The following HELZ variants were observed in gnomAD, a reference collection of about 807,000 sequenced individuals.
HELZ encodes the protein helicase with zinc finger.
HELZ carries 23 observed loss-of-function variants against 218.2 expected under a neutral mutation model. The ratio of observed to expected loss-of-function variants is 0.11; its 90% CI spans 0.08 to 0.15. HELZ has a LOEUF of 0.15. HELZ is among the 10% of genes least tolerant of loss of function. The pLI is 1.00. For synonymous variants in HELZ, 814 were observed against 829.4 expected, an observed-to-expected ratio of 0.98 and a Z score of 0.32; for missense variants, 1,813 against 2,353.7, an observed-to-expected ratio of 0.77 and a Z score of 4.75.
intron 12 of HELZ, among the ~76,000 whole-genome samples, chr17:67,179,912 G>A (rs2039560818): frequency 1.3e-5 from 2 of 152,150 alleles, no homozygotes; most frequent in South Asian, 2.1e-4. Context: ...TCTTTGAAAT[G>A]ACAACATAAT....
intron 7 of HELZ, among the ~76,000 whole-genome samples, chr17:67,196,260 A>C (rs1391422165): frequency 2.6e-5 from 4 of 152,150 alleles, no homozygotes; most frequent in Admixed American, 2.6e-4. Context: ...CCCACAGAGG[A>C]GTCCAAGGCT....
In HELZ at chr17:67,072,636, G is replaced by A. The variant is rs1490234521; in HGVS notation, c.*5616C>T. ...AGAGCTCCTTCACCCTACTGCGGAA[G>A]AGCAGTGCAGACCCCAGCAGGGGTG... On this transcript the variant is annotated 3_prime_UTR_variant, in exon 33 of 33. Coordinates refer to ENST00000358691, the MANE Select transcript of HELZ (RefSeq NM_014877.4). 1.3e-5 allele frequency: 2 copies of A among 152,352 alleles called. No individual in the cohort carries two copies. The highest frequency in any genetic ancestry group is 2.4e-5 in the African/African-American group (1 of 41,460). 9.4% of individuals were successfully genotyped at this position (152,352 alleles called of 1,614,324 possible). A position where few individuals can be genotyped will look rare whatever the true frequency, so the allele number is the denominator to read the frequency against.
Position 67,188,708 on chromosome 17 carries a change from CT to C in HELZ, c.865-93del. ...TCAATGAAAATATTTCCATAAGGGA[CT>C]TTTACTTCCCCAAGCTTCTAAGATA... On this transcript the variant is annotated intron_variant, in intron 11 of 32. Coordinates refer to ENST00000358691, the MANE Select transcript of HELZ (RefSeq NM_014877.4). This position sits in a 1 kb window ranked among gnomAD's most constrained non-coding sequence, Gnocchi z 4.1. 4 of 988,856 alleles carry C rather than the reference CT, an allele frequency of 4.0e-6. No homozygotes were observed. Among genetic ancestry groups the C allele is most frequent in the Non-Finnish European group, 6.0e-6 (4 of 668,280 alleles). The allele number at this position is 988,856 out of a possible 1,614,324, so 61.3% of individuals were successfully genotyped here.
At chr17:67,134,938 C>CT (rs2038101483) in intron 23 of HELZ, among the ~76,000 whole-genome samples, 1 of 149,986 alleles carries the variant, frequency 6.7e-6, no homozygotes, top group South Asian at 2.1e-4. Flanking sequence ...GTATTTCTTT[C>CT]TTTTTCACAA....
chr17:67,216,052 A>C (rs898166786), intron 4 of HELZ, 117 bp from the exon 5 acceptor site: 23 of 701,706 alleles, frequency 3.3e-5, no homozygotes, highest in African/African-American at 3.2e-4. Context: ...TTGTAAACTT[A>C]CTATTCACAG....
At chr17:67,206,598 CTT>C (rs60076524) in intron 5 of HELZ, among the ~76,000 whole-genome samples, 18 of 137,780 alleles carry the variant, frequency 1.3e-4, no homozygotes, top group Admixed American at 2.9e-4. Flanking sequence ...CATATTAGGA[CTT>C]TTTTTTTTTT....
At chr17:67,080,312 C>A (rs1174797263) in intron 32 of HELZ, among the ~76,000 whole-genome samples, 1 of 152,202 alleles carries the variant, frequency 6.6e-6, no homozygotes, top group Non-Finnish European at 1.5e-5. Flanking sequence ...TCCTGTTCCA[C>A]TGAACCGTGT....
At chr17:67,226,272 G>A (rs943847404) in intron 3 of HELZ, among the ~76,000 whole-genome samples, 157 of 123,758 alleles carry the variant, frequency 1.3e-3, no homozygotes, top group African/African-American at 1.3e-3. Context: ...AAAAAAAAAA[G>A]AAAAAAGGAA....
chr17:67,108,610 G>A lies in HELZ; in HGVS notation c.4606C>T (p.His1536Tyr), dbSNP rs755426445. 7.4e-6 allele frequency: 12 copies of A among 1,613,962 alleles called. No individual in the cohort carries two copies. The South Asian group carries it at 1.3e-4, about 18-fold the overall frequency. Reference protein sequence around the residue: ...SQGSAPYPHHHHPHLQHLPQP... With the variant: ...SQGSAPYPHHYHPHLQHLPQP... ...GGAAGATGCTGGAGGTGAGGATGGT[G>A]ATGGTGTGGGTATGGAGCGCTGCCC... Residue 1536 changes from histidine (H) to tyrosine (Y), a missense_variant, in exon 30 of 33, where the codon CAC becomes TAC. This residue lies in a region of HELZ where 938 missense variants were observed against 1,027.5 expected (regional missense o/e 0.91). Coordinates refer to ENST00000358691, the MANE Select transcript of HELZ (RefSeq NM_014877.4). This position sits in a 1 kb window ranked among gnomAD's most constrained non-coding sequence, Gnocchi z 4.1.
Position 67,071,375 on chromosome 17 carries a change from G to A in HELZ, c.*6877C>T, listed in dbSNP as rs1475213693. ...TACAAGTTATCGTGCAAAGCAAAGT[G>A]TAAATAAACCGAAGCTCCCCTCTAA... On this transcript the variant is annotated 3_prime_UTR_variant, in exon 33 of 33. Coordinates refer to ENST00000358691, the MANE Select transcript of HELZ (RefSeq NM_014877.4). The A allele has an allele frequency of 3.3e-5, 5 of 152,306 alleles. No homozygotes were observed. The highest frequency in any genetic ancestry group is 3.3e-4 in the Admixed American group (5 of 15,282). The allele number at this position is 152,306 out of a possible 1,614,324, so 9.4% of individuals were successfully genotyped here. A position where few individuals can be genotyped will look rare whatever the true frequency, so the allele number is the denominator to read the frequency against.
intron 31 of HELZ, among the ~76,000 whole-genome samples, chr17:67,093,791 A>ATTTAT (rs139454685): frequency 0.096 from 14,599 of 152,174 alleles, 1,836 homozygotes; most frequent in African/African-American, 0.29. Flanking sequence ...ATCCTTCACT[A>ATTTAT]TTTATATTAT....
chr17:67,119,778 G>A (rs2037541542), intron 27 of HELZ, among the ~76,000 whole-genome samples: 1 of 151,762 alleles, frequency 6.6e-6, no homozygotes, highest in South Asian at 2.1e-4. Flanking sequence ...AACAGGAGAG[G>A]ACCTTCCATC....
Position 67,233,209 on chromosome 17 carries a change from C to T in HELZ, c.-19+6224G>A, listed in dbSNP as rs35627905. ...ATCCACTAAAAACACAAAAATTAGC[C>T]GGGTGTGATGGCATGCCCCTGTGAT... On this transcript the variant is annotated intron_variant, in intron 3 of 32. Coordinates refer to ENST00000358691, the MANE Select transcript of HELZ (RefSeq NM_014877.4). Among the ~76,000 whole-genome samples the T allele has an allele frequency of 9.2e-3, 1,402 of 152,178 alleles. 6 individuals are homozygous for T. Among genetic ancestry groups the T allele is most frequent in the Non-Finnish European group, 0.015 (989 of 68,004 alleles).
chr17:67,108,466 G>A lies in HELZ; in HGVS notation c.4724+26C>T. ...GAACAGTGAGGGGGTCGCATTCCAG[G>A]GGCTATTTTCAGTCCGCTGGAATAC... On this transcript the variant is annotated intron_variant, in intron 30 of 32. Coordinates refer to ENST00000358691, the MANE Select transcript of HELZ (RefSeq NM_014877.4). This position sits in a 1 kb window ranked among gnomAD's most constrained non-coding sequence, Gnocchi z 4.1. 6.5e-7 allele frequency: 1 copy of A among 1,544,402 alleles called. No individual in the cohort carries two copies. The highest frequency in any genetic ancestry group is 8.9e-7 in the Non-Finnish European group (1 of 1,117,702).
At chr17:67,202,678 C>T (rs1226804695) in intron 6 of HELZ, among the ~76,000 whole-genome samples, 1 of 152,106 alleles carries the variant, frequency 6.6e-6, no homozygotes, top group South Asian at 2.1e-4. Context: ...TTTAAGAACC[C>T]TATGAGATCA....
At chr17:67,102,668 G>A (rs1350335330) in intron 31 of HELZ, among the ~76,000 whole-genome samples, 1 of 152,146 alleles carries the variant, frequency 6.6e-6, no homozygotes, top group Non-Finnish European at 1.5e-5. Context: ...GATGATTCAT[G>A]CAAAAGCATT....
intron 31 of HELZ, among the ~76,000 whole-genome samples, chr17:67,102,658 G>A (rs1285711161): frequency 6.6e-6 from 1 of 152,182 alleles, no homozygotes; most frequent in Non-Finnish European, 1.5e-5. Context: ...CACTTTGTGA[G>A]ATGATTCATG....
At chr17:67,094,616 G>T (rs2036686191) in intron 31 of HELZ, among the ~76,000 whole-genome samples, 1 of 152,050 alleles carries the variant, frequency 6.6e-6, no homozygotes, top group Non-Finnish European at 1.5e-5. Flanking sequence ...CAATAGCATT[G>T]TATGTTTAAA....
intron 12 of HELZ, among the ~76,000 whole-genome samples, chr17:67,181,940 C>G (rs556729669): frequency 1.3e-5 from 2 of 152,288 alleles, no homozygotes; most frequent in Admixed American, 1.3e-4. Flanking sequence ...ACCTAACTTA[C>G]AGTGCTTAAA....
Sources: allele counts gnomAD v4.1 joint callset (sites outside exome capture counted in the v4.1 genomes callset), GRCh38; gene constraint gnomAD v4.1.1; regional missense constraint gnomAD v4.1.1; non-coding constraint Gnocchi (gnomAD v3.1); transcripts MANE v1.5; gene names NCBI Gene and HGNC (gene_info 2026-07-23, HGNC 2026-07-21).